The following GTF3C4 variants were observed in gnomAD, a reference collection of about 807,000 sequenced individuals.
GTF3C4 encodes the protein general transcription factor IIIC subunit 4.
GTF3C4 carries 28 observed loss-of-function variants against 67.5 expected under a neutral mutation model. That is an observed-to-expected ratio of 0.41 (90% CI 0.31 to 0.57). GTF3C4 has a LOEUF of 0.57. Ranked by LOEUF, GTF3C4 falls within the 20% of genes least tolerant of loss-of-function variation. The pLI is 0.21. For synonymous variants in GTF3C4, 409 were observed against 393.0 expected, an observed-to-expected ratio of 1.04 and a Z score of -0.48; for missense variants, 831 against 1,033.2, an observed-to-expected ratio of 0.80 and a Z score of 2.68.
chr9:132,692,669 C>G lies in GTF3C4; in HGVS notation c.*3724C>G, dbSNP rs959283536. ...GATGTATCTTTATGCTCTTTCACTGCTCTTCTGTGCGTTGGAGTTTAGCAA... is the reference window on the plus strand; with the variant it reads ...GATGTATCTTTATGCTCTTTCACTGGTCTTCTGTGCGTTGGAGTTTAGCAA... On this transcript the variant is annotated 3_prime_UTR_variant, in exon 5 of 5. Coordinates refer to ENST00000372146, the MANE Select transcript of GTF3C4 (RefSeq NM_012204.4). The G allele has an allele frequency of 1.3e-5, 2 of 152,166 alleles. No individual in the cohort carries two copies. The highest frequency in any genetic ancestry group is 4.8e-5 in the African/African-American group (2 of 41,416). 9.4% of individuals were successfully genotyped at this position (152,166 alleles called of 1,614,324 possible).
intron 1 of GTF3C4, among the ~76,000 whole-genome samples, chr9:132,671,754 A>AC (rs1332659341): frequency 1.3e-5 from 2 of 152,178 alleles, no homozygotes; most frequent in Non-Finnish European, 2.9e-5. Context: ...ATATTTGAAT[A>AC]CCATTCTGCT....
intron 1 of GTF3C4, among the ~76,000 whole-genome samples, chr9:132,672,974 G>A (rs1001715517): frequency 1.3e-5 from 2 of 152,188 alleles, no homozygotes; most frequent in Non-Finnish European, 2.9e-5. Context: ...CACGAGGTCA[G>A]GAGATCGAGA....
At position 132,693,363 on chromosome 9, in the gene GTF3C4, C is replaced by T. The variant is rs536382987; in HGVS notation, c.*4418C>T. 1 of 152,262 alleles carries T rather than the reference C, an allele frequency of 6.6e-6. No individual in the cohort carries two copies. The highest frequency in any genetic ancestry group is 2.4e-5 in the African/African-American group (1 of 41,552). The allele number at this position is 152,262 out of a possible 1,614,324, so 9.4% of individuals were successfully genotyped here. On this transcript the variant is annotated 3_prime_UTR_variant, in exon 5 of 5. Transcript: ENST00000372146. ...TTATCTTGTATTTTCTGAGTCATAA[C>T]TATACTCTAGGGCCAAGACCTACTA... is the stretch of plus-strand genomic sequence containing the variant.
intron 4 of GTF3C4, among the ~76,000 whole-genome samples, chr9:132,688,222 C>T (rs1042333033): frequency 6.6e-6 from 1 of 152,194 alleles, no homozygotes; most frequent in Admixed American, 6.5e-5. Context: ...GTGTAGTTCC[C>T]TCACCCACCT....
rs138645157 is a variant in GTF3C4, at chr9:132,678,586, C to T, written c.967C>T (p.His323Tyr). The T allele has an allele frequency of 7.7e-4, 1,242 of 1,614,024 alleles. 17 individuals are homozygous for T. Among genetic ancestry groups the T allele is most frequent in the Admixed American group, 1.7e-4 (10 of 60,006 alleles). ...PSVLFWWEYEHNNRKMSGLIV... is the reference protein window; with the variant it reads ...PSVLFWWEYEYNNRKMSGLIV... ...TGTATTGTTTTGGTGGGAATATGAG[C>T]ACAATAATCGAAAAATGAGTGGCCT... Residue 323 changes from histidine (H) to tyrosine (Y), a missense_variant, in exon 2 of 5, where the codon CAC becomes TAC. Physicochemically the swap from His to Tyr is moderately conservative, Grantham distance 83 (BLOSUM62 2). Around this residue, in one of 4 missense-constraint regions of GTF3C4, gnomAD observed 390 missense variants for 540.3 expected, o/e 0.72. Transcript: ENST00000372146. This position sits in a 1 kb window ranked among gnomAD's most constrained non-coding sequence, Gnocchi z 6.5.
rs115938450 is a variant in GTF3C4, at chr9:132,689,309, A to G, written c.*364A>G. On this transcript the variant is annotated 3_prime_UTR_variant, in exon 5 of 5. Transcript: ENST00000372146. ...ATGGTCTCTTCTAGAGAGCTTGGAT[A>G]AGGACCTTGCTGGGTTGAGTTAGGT... 292 of 203,180 alleles carry G rather than the reference A, an allele frequency of 1.4e-3. 2 individuals carry two copies. Among genetic ancestry groups the G allele is most frequent in the African/African-American group, 6.4e-3 (285 of 44,188 alleles). The allele number at this position is 203,180 out of a possible 1,614,324, so 12.6% of individuals were successfully genotyped here. A position where few individuals can be genotyped will look rare whatever the true frequency, so the allele number is the denominator to read the frequency against.
rs893252479 is a variant in GTF3C4 at position 132,694,108 on chromosome 9, T to C, written c.*5163T>C. On this transcript the variant is annotated 3_prime_UTR_variant, in exon 5 of 5. Transcript: ENST00000372146. Reference sequence around the variant, plus strand: ...TTAGGTGGAATGTTTTATAGACTTTTGGTGTTGAAAAAAAAAAGTTTGATA... The same window carrying C: ...TTAGGTGGAATGTTTTATAGACTTTCGGTGTTGAAAAAAAAAAGTTTGATA... The C allele has an allele frequency of 6.6e-6, 1 of 152,152 alleles. No homozygotes were observed. The highest frequency in any genetic ancestry group is 1.9e-4 in the East Asian group (1 of 5,202). The allele number at this position is 152,152 out of a possible 1,614,324, so 9.4% of individuals were successfully genotyped here.
At chr9:132,682,595 CTTT>C (rs34962674) in intron 2 of GTF3C4, among the ~76,000 whole-genome samples, 2 of 92,544 alleles carry the variant, frequency 2.2e-5, no homozygotes, top group Admixed American at 1.4e-4. Flanking sequence ...ACAGTATAAT[CTTT>C]TTTTTTTTTT....
Position 132,678,976 on chromosome 9 carries a change from A to G in GTF3C4, c.1357A>G (p.Ile453Val), listed in dbSNP as rs900835851. Residue 453 changes from isoleucine to valine, a missense_variant, in exon 2 of 5, where the codon ATT (isoleucine) becomes GTT (valine). Coordinates refer to ENST00000372146, the MANE Select transcript of GTF3C4 (RefSeq NM_012204.4). The surrounding 1 kb of genome is among the most constrained non-coding windows in gnomAD (Gnocchi z 6.5). ...SDGKVRQLIP[I>V]FTDVALKFEH... ...CGGAAAGGTGAGGCAGCTGATTCCCATTTTCACAGATGTTGCATTGAAGTT... is the reference window on the plus strand; with the variant it reads ...CGGAAAGGTGAGGCAGCTGATTCCCGTTTTCACAGATGTTGCATTGAAGTT... The G allele has an allele frequency of 5.6e-6, 9 of 1,614,004 alleles. No individual in the cohort carries two copies. The highest frequency in any genetic ancestry group is 7.6e-6 in the Non-Finnish European group (9 of 1,180,038).
At position 132,689,847 on chromosome 9, in the gene GTF3C4, T is replaced by G. The variant is rs934610000; in HGVS notation, c.*902T>G. The stretch of plus-strand genomic sequence containing the variant: ...ATGTTTCATTTAGTATCCAGGGGTC[T>G]GTCTGGAGACTTCTAGAGAGGGACA... On this transcript the variant is annotated 3_prime_UTR_variant, in exon 5 of 5. Transcript: ENST00000372146. The G allele has an allele frequency of 4.6e-5, 7 of 152,268 alleles. No individual in the cohort carries two copies. Among genetic ancestry groups the G allele is most frequent in the Admixed American group, 1.3e-4 (2 of 15,290 alleles). 9.4% of individuals were successfully genotyped at this position (152,268 alleles called of 1,614,324 possible). A position where few individuals can be genotyped will look rare whatever the true frequency, so the allele number is the denominator to read the frequency against.
At position 132,690,893 on chromosome 9, in the gene GTF3C4, T is replaced by C. The variant is rs1836106111; in HGVS notation, c.*1948T>C. The C allele has an allele frequency of 6.6e-6, 1 of 152,216 alleles. No individual in the cohort carries two copies. The highest frequency in any genetic ancestry group is 2.4e-5 in the African/African-American group (1 of 41,444). 9.4% of individuals were successfully genotyped at this position (152,216 alleles called of 1,614,324 possible). On this transcript the variant is annotated 3_prime_UTR_variant, in exon 5 of 5. Transcript: ENST00000372146. ...CCCCCCATTAGAATCAGTGGAGATT[T>C]GTTCTTACTAGGGAATTTTGGACTG...
chr9:132,678,958 G>A lies in GTF3C4; in HGVS notation c.1339G>A (p.Val447Met), dbSNP rs759521618. Residue 447 changes from valine (V) to methionine (M), a missense_variant, in exon 2 of 5, where the codon GTG becomes ATG. Coordinates refer to ENST00000372146, the MANE Select transcript of GTF3C4 (RefSeq NM_012204.4). This position sits in a 1 kb window ranked among gnomAD's most constrained non-coding sequence, Gnocchi z 6.5. ...TVYTCSSDGK[V>M]RQLIPIFTDV... ...CTATACTTGCTCCAGTGACGGAAAG[G>A]TGAGGCAGCTGATTCCCATTTTCAC... The A allele has an allele frequency of 1.9e-6, 3 of 1,614,216 alleles. No individual in the cohort carries two copies. Among genetic ancestry groups the A allele is most frequent in the Non-Finnish European group, 2.5e-6 (3 of 1,180,046 alleles).
Position 132,670,679 on chromosome 9 carries a change from C to T in GTF3C4, c.81C>T (p.Gly27=). Residue 27 remains glycine (G), a synonymous_variant, in exon 1 of 5, where the codon GGC becomes GGT. Transcript: ENST00000372146. The part of the protein sequence containing the change: ...APSGEEEGEG[G]GEAGGKEPAA... The stretch of plus-strand genomic sequence containing the variant: ...CTGGGGAGGAGGAGGGAGAGGGGGG[C>T]GGCGAGGCGGGCGGGAAGGAGCCAG... The T allele has an allele frequency of 1.4e-6, 2 of 1,469,194 alleles. No homozygotes were observed. The highest frequency in any genetic ancestry group is 1.8e-6 in the Non-Finnish European group (2 of 1,104,070). The allele number at this position is 1,469,194 out of a possible 1,614,324, so 91.0% of individuals were successfully genotyped here. A position where few individuals can be genotyped will look rare whatever the true frequency, so the allele number is the denominator to read the frequency against.
In GTF3C4 at chr9:132,691,748, C is replaced by T. The variant is rs1160933656; in HGVS notation, c.*2803C>T. 6.6e-6 allele frequency: 1 copy of T among 152,166 alleles called. No homozygotes were observed. Among genetic ancestry groups the T allele is most frequent in the Non-Finnish European group, 1.5e-5 (1 of 68,036 alleles). The allele number at this position is 152,166 out of a possible 1,614,324, so 9.4% of individuals were successfully genotyped here. On this transcript the variant is annotated 3_prime_UTR_variant, in exon 5 of 5. Transcript: ENST00000372146. Reference sequence around the variant, plus strand: ...TCTGCCAAAACTACCAATTATTTTTCAATGTCAGAAGTTATTAGAGCCACT... The same window carrying T: ...TCTGCCAAAACTACCAATTATTTTTTAATGTCAGAAGTTATTAGAGCCACT...
At position 132,689,407 on chromosome 9, in the gene GTF3C4, G is replaced by GT. The variant is rs1477323140; in HGVS notation, c.*463dup. 6.3e-6 allele frequency: 1 copy of GT among 159,406 alleles called. No individual in the cohort carries two copies. The highest frequency in any genetic ancestry group is 2.4e-5 in the African/African-American group (1 of 41,706). The allele number at this position is 159,406 out of a possible 1,614,324, so 9.9% of individuals were successfully genotyped here. ...AATTGCTTGGTCCGTGGCATCTGAT[G>GT]TACCAACAGAGATTAAAAGTGTAAA... On this transcript the variant is annotated 3_prime_UTR_variant, in exon 5 of 5. Transcript: ENST00000372146.
chr9:132,670,958 A>G lies in GTF3C4; in HGVS notation c.357+3A>G, dbSNP rs774366973. 11 of 1,595,226 alleles carry G rather than the reference A, an allele frequency of 6.9e-6. No individual in the cohort carries two copies. In the South Asian group the frequency reaches 1.2e-4, roughly 18 times the overall value. On this transcript the variant is annotated splice_donor_region_variant and intron_variant, in intron 1 of 4. Transcript: ENST00000372146. Reference sequence around the variant, plus strand: ...CGCTCAACAGCTGTCTCCTCAAAGTAAGTCATCCCCCGCCATCCCTGGGGT... The same window carrying G: ...CGCTCAACAGCTGTCTCCTCAAAGTGAGTCATCCCCCGCCATCCCTGGGGT...
intron 1 of GTF3C4, among the ~76,000 whole-genome samples, chr9:132,671,565 G>A (rs1265374662): frequency 6.6e-6 from 1 of 152,190 alleles, no homozygotes; most frequent in African/African-American, 2.4e-5. Flanking sequence ...ACATCTTTGG[G>A]ATGTTGAATG....
At chr9:132,676,655 G>T (rs765306800) in intron 1 of GTF3C4, among the ~76,000 whole-genome samples, 1 of 152,068 alleles carries the variant, frequency 6.6e-6, no homozygotes, top group Non-Finnish European at 1.5e-5. Flanking sequence ...GTTGCACTCT[G>T]ATTTTCTGAT....
At position 132,670,937 on chromosome 9, in the gene GTF3C4, C is replaced by A. The variant is rs775399601; in HGVS notation, c.339C>A (p.Leu113=). The part of the protein sequence containing the change: ...VIHRTSVPAP[L]NSCLLKVGSK... Reference sequence around the variant, plus strand: ...ACCGCACCTCGGTGCCCGCACCGCTCAACAGCTGTCTCCTCAAAGTAAGTC... The same window carrying A: ...ACCGCACCTCGGTGCCCGCACCGCTAAACAGCTGTCTCCTCAAAGTAAGTC... The change falls in exon 1 of 5, where the codon CTC becomes CTA. Residue 113 remains leucine (L), a synonymous_variant. Coordinates refer to ENST00000372146, the MANE Select transcript of GTF3C4 (RefSeq NM_012204.4). The A allele has an allele frequency of 1.1e-5, 18 of 1,610,138 alleles. No homozygotes were observed. The South Asian group carries it at 1.9e-4, about 17-fold the overall frequency.
Sources: gnomAD v4.1 joint callset for allele counts (sites outside exome capture counted in the v4.1 genomes callset) on GRCh38, gnomAD v4.1.1 for gene constraint, gnomAD v4.1.1 regional missense constraint, Gnocchi (gnomAD v3.1) non-coding constraint, MANE v1.5 for transcripts, NCBI Gene and HGNC (gene_info 2026-07-23, HGNC 2026-07-21) for gene names.